The following ZBTB40 variants were observed in gnomAD, a reference collection of about 807,000 sequenced individuals.
ZBTB40 encodes the protein zinc finger and BTB domain containing 40.
A neutral mutation model predicts 117.5 loss-of-function variants in ZBTB40; 60 were observed. The observed-to-expected ratio is 0.51, with a 90% CI of 0.41 to 0.63. The LOEUF is 0.63. Ranked by LOEUF, ZBTB40 falls within the 30% of genes least tolerant of loss-of-function variation. The pLI is 0.00. For missense variants in ZBTB40, 1,287 were observed against 1,498.5 expected, an observed-to-expected ratio of 0.86 and a Z score of 2.33; for synonymous variants, 525 against 577.1, an observed-to-expected ratio of 0.91 and a Z score of 1.29.
intron 6 of ZBTB40, among the ~76,000 whole-genome samples, chr1:22,507,579 G>C (rs1639104098): frequency 6.6e-6 from 1 of 152,136 alleles, no homozygotes; most frequent in Non-Finnish European, 1.5e-5. Context: ...GGCCCAAAGG[G>C]CACCTAAATA....
chr1:22,485,340 A>G (rs1638437016), intron 1 of ZBTB40, among the ~76,000 whole-genome samples: 1 of 152,162 alleles, frequency 6.6e-6, no homozygotes, highest in Admixed American at 6.5e-5. Flanking sequence ...GCCTATTCAG[A>G]TAGTCTATTG....
At chr1:22,440,092 A>T (rs184203496) in intron 1 of ZBTB40, among the ~76,000 whole-genome samples, 41 of 152,268 alleles carry the variant, frequency 2.7e-4, no homozygotes, top group Admixed American at 2.3e-3. Flanking sequence ...TTGTAAATGG[A>T]ACTGTTTTTG....
chr1:22,441,473 C>CTTTTTTTTTTTTTTTTTTT (rs71020419), intron 1 of ZBTB40, among the ~76,000 whole-genome samples: 6 of 73,712 alleles, frequency 8.1e-5, no homozygotes, highest in Non-Finnish European at 9.9e-5. Flanking sequence ...TATTTGCTTT[C>CTTTTTTTTTTTTTTTTTTT]TTTTTTTTTT....
At chr1:22,429,784 G>C (rs1014044094) in intron 1 of ZBTB40, among the ~76,000 whole-genome samples, 1 of 152,148 alleles carries the variant, frequency 6.6e-6, no homozygotes, top group Non-Finnish European at 1.5e-5. Context: ...CCTAAGGTTG[G>C]GAGTTCGAGA....
chr1:22,498,949 G>A (rs188487771), intron 3 of ZBTB40, among the ~76,000 whole-genome samples: 2 of 152,356 alleles, frequency 1.3e-5, no homozygotes, highest in East Asian at 1.9e-4. Context: ...ATCCAGTGCT[G>A]TATCACAAAT....
intron 5 of ZBTB40, among the ~76,000 whole-genome samples, chr1:22,504,645 C>G (rs1639031188): frequency 6.6e-6 from 1 of 152,152 alleles, no homozygotes; most frequent in South Asian, 2.1e-4. Flanking sequence ...CACATGTGTC[C>G]TAGGAGTTAG....
chr1:22,526,418 C>A lies in ZBTB40; in HGVS notation c.*22C>A. On this transcript the variant is annotated 3_prime_UTR_variant, in exon 18 of 18. Transcript: ENST00000375647. Reference sequence around the variant, plus strand: ...ATGAGCAGCCTTTCATCCGGCAGAGCCTTCCTGCGTTTGCAGCAGAGAGGA... The same window carrying A: ...ATGAGCAGCCTTTCATCCGGCAGAGACTTCCTGCGTTTGCAGCAGAGAGGA... 6.2e-7 allele frequency: 1 copy of A among 1,613,270 alleles called. No homozygotes were observed. The highest frequency in any genetic ancestry group is 8.5e-7 in the Non-Finnish European group (1 of 1,179,972).
intron 1 of ZBTB40, among the ~76,000 whole-genome samples, chr1:22,444,199 G>T (rs1442698657): frequency 6.6e-6 from 1 of 152,094 alleles, no homozygotes; most frequent in Non-Finnish European, 1.5e-5. Flanking sequence ...GATCACTTGA[G>T]GTCAGGAGTT....
At position 22,511,263 on chromosome 1, in the gene ZBTB40, G is replaced by A. The variant is rs1639224083; in HGVS notation, c.1918G>A (p.Ala640Thr). 1 of 1,614,028 alleles carries A rather than the reference G, an allele frequency of 6.2e-7. No homozygotes were observed. Among genetic ancestry groups the A allele is most frequent in the Non-Finnish European group, 8.5e-7 (1 of 1,180,010 alleles). ...LSRAMEKSVP[A>T]IEICHLLCSV... ...CAGAGCCATGGAAAAATCAGTCCCG[G>A]CCATTGAAATATGCCACCTCCTGTG... The change falls in exon 10 of 18, where the codon GCC (alanine) becomes ACC (threonine). Residue 640 changes from alanine to threonine, a missense_variant. This residue lies in a region of ZBTB40 where 870 missense variants were observed against 934.4 expected (regional missense o/e 0.93). Coordinates refer to ENST00000375647, the MANE Select transcript of ZBTB40 (RefSeq NM_014870.4).
At chr1:22,491,926 A>G (rs928535892) in intron 3 of ZBTB40, among the ~76,000 whole-genome samples, 1 of 152,260 alleles carries the variant, frequency 6.6e-6, no homozygotes, top group African/African-American at 2.4e-5. Context: ...GACTTTATAT[A>G]AACTTATAAA....
At chr1:22,509,275 G>A (rs375302715) in intron 9 of ZBTB40, 42 bp downstream of exon 9, 36 of 1,613,514 alleles carry the variant, frequency 2.2e-5, no homozygotes, top group Non-Finnish European at 2.9e-5. Context: ...GAGTTTTACA[G>A]TTGTTGCCTG....
intron 5 of ZBTB40, among the ~76,000 whole-genome samples, chr1:22,504,354 A>G (rs1639024621): frequency 6.6e-6 from 1 of 152,214 alleles, no homozygotes; most frequent in Non-Finnish European, 1.5e-5. Context: ...GGTAATTACT[A>G]TAGCTGTCAT....
At chr1:22,521,010 G>A (rs923655656) in intron 14 of ZBTB40, among the ~76,000 whole-genome samples, 3 of 152,196 alleles carry the variant, frequency 2.0e-5, no homozygotes, top group Non-Finnish European at 2.9e-5. Flanking sequence ...AGGGACTCTT[G>A]CTTATGGGGC....
chr1:22,521,660 T>G lies in ZBTB40; in HGVS notation c.3211+2T>G. On this transcript the variant is annotated splice_donor_variant, in intron 15 of 17. Transcript: ENST00000375647. LOFTEE classifies it high-confidence loss of function. ...AGCACATCAAAGCAGAACATGCAGGTGGAGTTTGGGTACCGCCGGCAGAGA... is the reference window on the plus strand; with the variant it reads ...AGCACATCAAAGCAGAACATGCAGGGGGAGTTTGGGTACCGCCGGCAGAGA... 1 of 1,614,176 alleles carries G rather than the reference T, an allele frequency of 6.2e-7. No individual in the cohort carries two copies.
intron 17 of ZBTB40, 127 bp downstream of exon 17, chr1:22,524,571 C>T: frequency 9.0e-7 from 1 of 1,116,708 alleles, no homozygotes; most frequent in Non-Finnish European, 1.3e-6. Context: ...CTCTGGACTT[C>T]TTACAAAACA....
At position 22,508,728 on chromosome 1, in the gene ZBTB40, G is replaced by A; in HGVS notation, c.1696G>A (p.Ala566Thr). Reference sequence around the variant, plus strand: ...GCCTGGTGCCGATGCTTTCTTCCGGGCAGGTAAGTTACCTGCCCTCTGGGG... The same window carrying A: ...GCCTGGTGCCGATGCTTTCTTCCGGACAGGTAAGTTACCTGCCCTCTGGGG... The part of the protein sequence containing the change: ...REPGADAFFR[A>T]VTTPEHATLE... The change falls in exon 8 of 18, where the codon GCA becomes ACA. Residue 566 changes from alanine to threonine, a missense_variant. Ala to Thr is a moderately conservative substitution (Grantham distance 58, BLOSUM62 0). Transcript: ENST00000375647. The A allele has an allele frequency of 1.2e-6, 2 of 1,613,404 alleles. No individual in the cohort carries two copies. Among genetic ancestry groups the A allele is most frequent in the Non-Finnish European group, 1.7e-6 (2 of 1,179,998 alleles).
Position 22,511,193 on chromosome 1 carries a change from C to T in ZBTB40, c.1848C>T (p.Pro616=). 1.2e-6 allele frequency: 2 copies of T among 1,613,756 alleles called. No homozygotes were observed. Among genetic ancestry groups the T allele is most frequent in the Non-Finnish European group, 1.7e-6 (2 of 1,179,982 alleles). ...TATTCATTTAGATTCTGAGCATTCC[C>T]TCTGAGACAGCCAGCCCTGAAGCTT... The part of the protein sequence containing the change: ...AETVKEILSI[P]SETASPEASL... Residue 616 remains proline (P), a synonymous_variant, in exon 10 of 18, where the codon CCC becomes CCT. Coordinates refer to ENST00000375647, the MANE Select transcript of ZBTB40 (RefSeq NM_014870.4).
chr1:22,439,459 GT>G (rs1640707685), intron 1 of ZBTB40, among the ~76,000 whole-genome samples: 2 of 152,024 alleles, frequency 1.3e-5, no homozygotes, highest in South Asian at 4.1e-4. Flanking sequence ...TCTTCTAAGA[GT>G]TTTATAGTTT....
chr1:22,458,124 A>G (rs1641045230), intron 1 of ZBTB40, among the ~76,000 whole-genome samples: 1 of 152,214 alleles, frequency 6.6e-6, no homozygotes, highest in African/African-American at 2.4e-5. Flanking sequence ...CTTTGGTTAG[A>G]GTTGCTATAA....
Sources: gnomAD v4.1 joint callset for allele counts (sites outside exome capture counted in the v4.1 genomes callset) on GRCh38, gnomAD v4.1.1 for gene constraint, gnomAD v4.1.1 regional missense constraint, MANE v1.5 for transcripts, NCBI Gene and HGNC (gene_info 2026-07-23, HGNC 2026-07-21) for gene names.